ARHGEF3: variants seen among roughly 807,000 people sequenced by gnomAD.
The protein encoded by ARHGEF3 is Rho guanine nucleotide exchange factor 3.
A neutral mutation model predicts 63.2 loss-of-function variants in ARHGEF3; 28 were observed. That is an observed-to-expected ratio of 0.44 (90% confidence interval 0.33 to 0.61). ARHGEF3 has a LOEUF of 0.61. Among genes scored for constraint, ARHGEF3 ranks in the 20% least tolerant of loss-of-function variants. The probability of loss-of-function intolerance (pLI) is 0.03; values close to 1 mark genes in which losing one functional copy is unlikely to be tolerated. For missense variants in ARHGEF3, 533 were observed against 659.3 expected (o/e 0.81, Z 2.10); for synonymous variants, 266 against 254.2 (o/e 1.05, Z -0.44).
At chr3:57,025,957 C>T (rs910101883) in intron 2 of ARHGEF3, among the ~76,000 whole-genome samples, 2 of 152,178 alleles carry the variant, frequency 1.3e-5, no homozygotes, top group Non-Finnish European at 2.9e-5. Flanking sequence ...AGGCTTAACT[C>T]AAGTTCCCAT....
In ARHGEF3 at chr3:57,023,678, C is replaced by T. The variant is rs530875434; in HGVS notation, c.62+11410G>A. Among the ~76,000 whole-genome samples the T allele has an allele frequency of 1.4e-4, 22 of 152,342 alleles. No homozygotes were observed. The East Asian group carries it at 4.2e-3, about 29-fold the overall frequency. ...TGCTGTCTTTGCTTCCGGCACATCA[C>T]ATCTCTGTGGAGTCCGGACCTTGGC... On this transcript the variant is annotated intron_variant, in intron 2 of 12. Transcript: ENST00000338458.
At chr3:56,753,686 G>C (rs541922998) in intron 3 of ARHGEF3, 120 bp from the exon 4 acceptor site, 7 of 839,792 alleles carry the variant, frequency 8.3e-6, no homozygotes, top group South Asian at 1.6e-5. Flanking sequence ...TTTAAGTTAC[G>C]TTAACCTGAA....
chr3:56,746,378 G>A (rs2034384697), intron 6 of ARHGEF3, among the ~76,000 whole-genome samples: 2 of 152,334 alleles, frequency 1.3e-5, no homozygotes, highest in Admixed American at 6.5e-5. Flanking sequence ...ACAAATAAAT[G>A]CATGTTTAAT....
At chr3:56,878,870 T>C (rs1158551407) in intron 4 of ARHGEF3, among the ~76,000 whole-genome samples, 2 of 152,238 alleles carry the variant, frequency 1.3e-5, no homozygotes, top group Non-Finnish European at 2.9e-5. Flanking sequence ...AAGTTTCATC[T>C]GTATTTATAG....
intron 1 of ARHGEF3, among the ~76,000 whole-genome samples, chr3:56,780,079 G>A (rs1349822424): frequency 2.6e-5 from 4 of 152,202 alleles, no homozygotes; most frequent in Admixed American, 2.6e-4. Flanking sequence ...AAATACACAA[G>A]ATCACGTATT....
At chr3:56,902,681 G>C (rs576474100) in intron 3 of ARHGEF3, among the ~76,000 whole-genome samples, 1 of 152,340 alleles carries the variant, frequency 6.6e-6, no homozygotes, top group South Asian at 2.1e-4. Flanking sequence ...GACCCTGTGT[G>C]CCTGCCCAGG....
chr3:56,888,191 T>G (rs1250105689), intron 3 of ARHGEF3, among the ~76,000 whole-genome samples: 1 of 152,030 alleles, frequency 6.6e-6, no homozygotes. Context: ...TGTTTAGACA[T>G]TGGTCCAAGT....
intron 2 of ARHGEF3, among the ~76,000 whole-genome samples, chr3:57,020,488 C>G (rs1319427451): frequency 6.6e-6 from 1 of 152,226 alleles, no homozygotes; most frequent in Non-Finnish European, 1.5e-5. Context: ...GAGGCTGACT[C>G]CATCCTCCAC....
chr3:57,033,092 T>C (rs1315944937), intron 2 of ARHGEF3, among the ~76,000 whole-genome samples: 1 of 151,906 alleles, frequency 6.6e-6, no homozygotes. Flanking sequence ...ACTAGCAAAA[T>C]TAAAAAGCTA....
At position 56,745,187 on chromosome 3, in the gene ARHGEF3, G is replaced by C; in HGVS notation, c.870+18C>G. The stretch of plus-strand genomic sequence containing the variant: ...GTGGAAATAACAAGAAGAGAGAGAA[G>C]GAAACAGACAAACTTACAGCTTCTT... On this transcript the variant is annotated intron_variant, in intron 7 of 9. Coordinates refer to ENST00000296315, the MANE Select transcript of ARHGEF3 (RefSeq NM_019555.3). 6.2e-7 allele frequency: 1 copy of C among 1,607,312 alleles called. No homozygotes were observed. Among genetic ancestry groups the C allele is most frequent in the Non-Finnish European group, 8.5e-7 (1 of 1,175,680 alleles).
chr3:56,821,820 C>T (rs1205101966), intron 4 of ARHGEF3, among the ~76,000 whole-genome samples: 6 of 151,904 alleles, frequency 3.9e-5, no homozygotes, highest in African/African-American at 9.7e-5. Context: ...AAAAATTAGC[C>T]GGGCATGGTG....
intron 4 of ARHGEF3, among the ~76,000 whole-genome samples, chr3:56,871,060 G>A (rs2040418625): frequency 6.6e-6 from 1 of 152,030 alleles, no homozygotes; most frequent in South Asian, 2.1e-4. Context: ...TATCTGGAAG[G>A]AGACAGTAAA....
intron 2 of ARHGEF3, among the ~76,000 whole-genome samples, chr3:56,772,868 A>G (rs2036081052): frequency 1.3e-5 from 2 of 152,210 alleles, no homozygotes; most frequent in African/African-American, 4.8e-5. Flanking sequence ...ATGGAATAGA[A>G]GCAAGACCTA....
At chr3:57,050,826 T>C (rs904564650) in intron 1 of ARHGEF3, among the ~76,000 whole-genome samples, 2 of 152,214 alleles carry the variant, frequency 1.3e-5, no homozygotes, top group African/African-American at 4.8e-5. Flanking sequence ...AAAGGCAATC[T>C]ATCAATAACC....
At chr3:57,035,012 G>A in intron 2 of ARHGEF3, 1 of 1,227,110 alleles carries the variant, frequency 8.1e-7, no homozygotes, top group Non-Finnish European at 1.1e-6. Flanking sequence ...CTTAAAGGAA[G>A]CCCTCCATTT....
At chr3:56,835,716 C>A (rs917875925) in intron 4 of ARHGEF3, among the ~76,000 whole-genome samples, 2 of 152,110 alleles carry the variant, frequency 1.3e-5, no homozygotes, top group African/African-American at 4.8e-5. Context: ...AAATGCACCA[C>A]CTCTCTCCCC....
At chr3:56,862,028 T>A (rs1281247872) in intron 4 of ARHGEF3, among the ~76,000 whole-genome samples, 4 of 152,114 alleles carry the variant, frequency 2.6e-5, no homozygotes, top group Admixed American at 2.6e-4. Flanking sequence ...CTCTGGCCAA[T>A]CTGCTACAAA....
rs188772689 is a variant in ARHGEF3 at position 56,922,634 on chromosome 3, A to G, written c.129+36189T>C. ...AAAGCAAGAATCATTCTTATTAAAA[A>G]GTTTCTCACCATTATTTTGACTTCA... is the stretch of plus-strand genomic sequence containing the variant. On this transcript the variant is annotated intron_variant, in intron 3 of 12. Coordinates refer to the ARHGEF3 transcript ENST00000338458. Among the ~76,000 whole-genome samples, 7 of 152,346 alleles carry G rather than the reference A, an allele frequency of 4.6e-5. No individual in the cohort carries two copies. In the East Asian group the frequency reaches 1.3e-3, roughly 29 times the overall value.
chr3:56,894,764 A>G (rs943995801), intron 3 of ARHGEF3, among the ~76,000 whole-genome samples: 4 of 152,194 alleles, frequency 2.6e-5, no homozygotes, highest in Non-Finnish European at 4.4e-5. Context: ...AATGTCCACG[A>G]AAGTCCTAAA....
Sources: gnomAD v4.1 joint callset for allele counts (sites outside exome capture counted in the v4.1 genomes callset) on GRCh38, gnomAD v4.1.1 for gene constraint, MANE v1.5 for transcripts, NCBI Gene and HGNC (gene_info 2026-07-23, HGNC 2026-07-21) for gene names.